The following HS2ST1 variants were observed in gnomAD, a reference collection of about 807,000 sequenced individuals.
HS2ST1 encodes heparan sulfate 2-O-sulfotransferase 1.
HS2ST1 carries 18 observed loss-of-function variants against 42.9 expected under a neutral mutation model. That is an observed-to-expected ratio of 0.42 (90% CI 0.29 to 0.62). HS2ST1 has a LOEUF of 0.62. Ranked by LOEUF, HS2ST1 falls within the 20% of genes least tolerant of loss-of-function variation. The probability of loss-of-function intolerance (pLI) is 0.21; values close to 1 mark genes in which losing one functional copy is unlikely to be tolerated. For missense variants in HS2ST1, 334 were observed against 433.8 expected (o/e 0.77, Z 2.04); for synonymous variants, 146 against 152.9 (o/e 0.95, Z 0.33).
chr1:87,096,468 A>G (rs1340023627), intron 4 of HS2ST1, among the ~76,000 whole-genome samples: 2 of 144,812 alleles, frequency 1.4e-5, no homozygotes, highest in South Asian at 2.3e-4. Flanking sequence ...GTCTTTAAGT[A>G]TTGGGAGACT....
At chr1:87,038,994 A>G (rs1290336390) in intron 1 of HS2ST1, among the ~76,000 whole-genome samples, 1 of 152,176 alleles carries the variant, frequency 6.6e-6, no homozygotes, top group Admixed American at 6.6e-5. Context: ...TAAATTTCCC[A>G]TGTATATGGA....
In HS2ST1 at chr1:87,022,347, C is replaced by T. The variant is rs549550228; in HGVS notation, c.125-50587C>T. On this transcript the variant is annotated intron_variant, in intron 1 of 6. Transcript: ENST00000370550. ...AGACATACTCATATATTGTTATGAGCGAATACAGTCAGTTCTGCCATAGTT... is the reference window on the plus strand; with the variant it reads ...AGACATACTCATATATTGTTATGAGTGAATACAGTCAGTTCTGCCATAGTT... Among the ~76,000 whole-genome samples the T allele has an allele frequency of 2.0e-5, 3 of 151,946 alleles. No homozygotes were observed. The South Asian group carries it at 6.2e-4, about 32-fold the overall frequency.
chr1:87,076,743 C>T (rs1651553508), intron 2 of HS2ST1, among the ~76,000 whole-genome samples: 1 of 152,026 alleles, frequency 6.6e-6, no homozygotes, highest in South Asian at 2.1e-4. Context: ...TTTAGCCATA[C>T]CATATATGTG....
chr1:87,030,791 T>C (rs1412348813), intron 1 of HS2ST1, among the ~76,000 whole-genome samples: 1 of 152,218 alleles, frequency 6.6e-6, no homozygotes, highest in Non-Finnish European at 1.5e-5. Flanking sequence ...GTTCTTCCAG[T>C]GTCCTGAATA....
At chr1:86,916,736 C>A (rs560348601) in intron 1 of HS2ST1, among the ~76,000 whole-genome samples, 1 of 152,090 alleles carries the variant, frequency 6.6e-6, no homozygotes, top group Non-Finnish European at 1.5e-5. Flanking sequence ...CATATTCTGG[C>A]GTTATTAATG....
At chr1:87,062,811 T>G (rs1404157291) in intron 1 of HS2ST1, among the ~76,000 whole-genome samples, 1 of 152,202 alleles carries the variant, frequency 6.6e-6, no homozygotes, top group African/African-American at 2.4e-5. Flanking sequence ...AGGTATACGA[T>G]TATTTTATTT....
intron 5 of HS2ST1, among the ~76,000 whole-genome samples, chr1:87,099,411 G>T (rs1052302724): frequency 6.6e-6 from 1 of 152,148 alleles, no homozygotes; most frequent in African/African-American, 2.4e-5. Context: ...TGGGGGTATG[G>T]TTCCCAGACT....
intron 1 of HS2ST1, among the ~76,000 whole-genome samples, chr1:87,034,286 T>G (rs1300451161): frequency 6.6e-6 from 1 of 152,154 alleles, no homozygotes; most frequent in African/African-American, 2.4e-5. Flanking sequence ...AATAGCAAAT[T>G]TACAGTATAC....
At chr1:86,985,928 T>C (rs1648771183) in intron 1 of HS2ST1, among the ~76,000 whole-genome samples, 1 of 152,088 alleles carries the variant, frequency 6.6e-6, no homozygotes, top group South Asian at 2.1e-4. Context: ...TTTTGTTTTT[T>C]GAAAAAACAC....
chr1:86,993,344 C>T (rs1480668601), intron 1 of HS2ST1, among the ~76,000 whole-genome samples: 1 of 152,142 alleles, frequency 6.6e-6, no homozygotes, highest in Admixed American at 6.5e-5. Context: ...TTGAAAAATA[C>T]AGCAGTGTTG....
chr1:86,942,838 CT>C (rs747182812), intron 1 of HS2ST1, among the ~76,000 whole-genome samples: 28 of 152,132 alleles, frequency 1.8e-4, no homozygotes, highest in South Asian at 6.2e-4. Flanking sequence ...CCCAAATTAG[CT>C]TTGTGTCTGA....
At chr1:87,085,208 T>C (rs1651792833) in intron 3 of HS2ST1, among the ~76,000 whole-genome samples, 1 of 152,164 alleles carries the variant, frequency 6.6e-6, no homozygotes, top group Admixed American at 6.5e-5. Context: ...AAAAATTTTT[T>C]TTATTATTTA....
At position 87,108,027 on chromosome 1, in the gene HS2ST1, T is replaced by C. The variant is rs940735537; in HGVS notation, c.*3331T>C. The C allele has an allele frequency of 2.0e-5, 3 of 152,118 alleles. No individual in the cohort carries two copies. The highest frequency in any genetic ancestry group is 1.9e-4 in the East Asian group (1 of 5,202). 9.4% of individuals were successfully genotyped at this position (152,118 alleles called of 1,614,324 possible). On this transcript the variant is annotated 3_prime_UTR_variant, in exon 7 of 7. Coordinates refer to ENST00000370550, the MANE Select transcript of HS2ST1 (RefSeq NM_012262.4). ...AAATTTGGTTAATGCCTATAATCTG[T>C]TGCTTTTTCTCAATATGTGTCCTAT... is the stretch of plus-strand genomic sequence containing the variant.
intron 1 of HS2ST1, among the ~76,000 whole-genome samples, chr1:86,984,146 T>C (rs1444833937): frequency 6.6e-6 from 1 of 152,130 alleles, no homozygotes; most frequent in Non-Finnish European, 1.5e-5. Context: ...CTTGTAAAAG[T>C]AGGTAGTATA....
In HS2ST1 at chr1:87,101,149, GTTTTTTGTTT is replaced by G. The variant is rs758037244; in HGVS notation, c.687-2276_687-2267del. ...TCATCACTTTTGTGTGTGTGTGTGT[GTTTTTTGTTT>G]TTTTTTTTTTTTTTTTTTTTTTTTT... On this transcript the variant is annotated intron_variant, in intron 5 of 6. Transcript: ENST00000370550. 2.5e-3 allele frequency among the ~76,000 whole-genome samples: 147 copies of G among 59,492 alleles called. 4 individuals carry two copies. Among genetic ancestry groups the G allele is most frequent in the Middle Eastern group, 0.034 (2 of 58 alleles). 39.0% of individuals were successfully genotyped at this position (59,492 alleles called of 152,430 possible).
chr1:86,962,436 C>T (rs925643569), intron 1 of HS2ST1, among the ~76,000 whole-genome samples: 1 of 152,018 alleles, frequency 6.6e-6, no homozygotes, highest in African/African-American at 2.4e-5. Context: ...ATAATCCTTA[C>T]CCTCAAGGGT....
intron 1 of HS2ST1, among the ~76,000 whole-genome samples, chr1:87,017,339 G>A (rs1239641506): frequency 6.6e-6 from 1 of 152,156 alleles, no homozygotes; most frequent in African/African-American, 2.4e-5. Flanking sequence ...GTTTCACCGT[G>A]TTGACCAGGC....
chr1:87,049,254 A>C lies in HS2ST1; in HGVS notation c.125-23680A>C, dbSNP rs116191470. On this transcript the variant is annotated intron_variant, in intron 1 of 6. Transcript: ENST00000370550. ...AGTATTCTCTCCTTTGTCATTTCTGATATTAATAATTTGTATCTTCCCTTT... is the reference window on the plus strand; with the variant it reads ...AGTATTCTCTCCTTTGTCATTTCTGCTATTAATAATTTGTATCTTCCCTTT... Among the ~76,000 whole-genome samples the C allele has an allele frequency of 3.9e-3, 594 of 151,818 alleles. 3 individuals are homozygous for C. The highest frequency in any genetic ancestry group is 0.014 in the African/African-American group (565 of 41,454).
chr1:87,053,918 C>CT (rs1321240573), intron 1 of HS2ST1, among the ~76,000 whole-genome samples: 5 of 19,760 alleles, frequency 2.5e-4, no homozygotes, highest in African/African-American at 6.5e-4. Context: ...ATAAAATTCT[C>CT]TTTTTTTTAA....
Sources: gnomAD v4.1 joint callset for allele counts (sites outside exome capture counted in the v4.1 genomes callset) on GRCh38, gnomAD v4.1.1 for gene constraint, MANE v1.5 for transcripts, NCBI Gene and HGNC (gene_info 2026-07-23, HGNC 2026-07-21) for gene names.